FBLN1: variants seen among roughly 807,000 people sequenced by gnomAD.
FBLN1 encodes fibulin-1.
In FBLN1, 34 loss-of-function variants were observed where a neutral mutation model predicts 89.7. The ratio of observed to expected loss-of-function variants is 0.38; its 90% CI spans 0.29 to 0.50. The LOEUF is 0.50. Ranked by LOEUF, FBLN1 falls within the 20% of genes least tolerant of loss-of-function variation. FBLN1 has a pLI of 0.92. For missense variants in FBLN1, 777 were observed against 988.1 expected, an observed-to-expected ratio of 0.79 and a Z score of 2.86; for synonymous variants, 393 against 391.3, an observed-to-expected ratio of 1.00 and a Z score of -0.05.
intron 16 of FBLN1, among the ~76,000 whole-genome samples, chr22:45,582,673 C>G (rs570023430): frequency 1.3e-5 from 2 of 152,176 alleles, no homozygotes. Context: ...AGGAGCTTCA[C>G]GGCTGGGAAT....
intron 16 of FBLN1, among the ~76,000 whole-genome samples, chr22:45,592,229 T>C (rs927048704): frequency 6.6e-6 from 1 of 152,222 alleles, no homozygotes; most frequent in African/African-American, 2.4e-5. Context: ...ATAGGGTCTC[T>C]CTGTCTCCAC....
intron 16 of FBLN1, among the ~76,000 whole-genome samples, chr22:45,594,505 C>T (rs1180303103): frequency 6.6e-6 from 1 of 152,164 alleles, no homozygotes; most frequent in Non-Finnish European, 1.5e-5. Flanking sequence ...TTTAAAGCTT[C>T]CTGTTTAAAG....
rs1285689258 is a variant in FBLN1, at chr22:45,600,770, A to G, written c.*324A>G. ...GAAAGACATTTTTTAGGGGGCAGCCAGTCCAAATGCCAAAAGAAGACCAGT... is the reference window on the plus strand; with the variant it reads ...GAAAGACATTTTTTAGGGGGCAGCCGGTCCAAATGCCAAAAGAAGACCAGT... On this transcript the variant is annotated 3_prime_UTR_variant, in exon 17 of 17. Coordinates refer to ENST00000327858, the MANE Select transcript of FBLN1 (RefSeq NM_006486.3). The G allele has an allele frequency of 5.0e-6, 2 of 401,978 alleles. No individual in the cohort carries two copies. Among genetic ancestry groups the G allele is most frequent in the Non-Finnish European group, 9.4e-6 (2 of 213,416 alleles). 24.9% of individuals were successfully genotyped at this position (401,978 alleles called of 1,614,324 possible). A position where few individuals can be genotyped will look rare whatever the true frequency, so the allele number is the denominator to read the frequency against.
chr22:45,575,679 A>G lies in FBLN1; in HGVS notation c.1840+1026A>G, dbSNP rs1216403064. 6.6e-6 allele frequency among the ~76,000 whole-genome samples: 1 copy of G among 152,134 alleles called. No individual in the cohort carries two copies. Among genetic ancestry groups the G allele is most frequent in the Non-Finnish European group, 1.5e-5 (1 of 68,016 alleles). On this transcript the variant is annotated intron_variant, in intron 15 of 16. Transcript: ENST00000327858. This position sits in a 1 kb window ranked among gnomAD's most constrained non-coding sequence, Gnocchi z 6.3. ...GCTCTCTAGGAAGCTCCTGGCATGC[A>G]GTGTAGTCATGTTGTGTAACCTGCC...
At chr22:45,600,166 C>A (rs557145676) in intron 16 of FBLN1, 141 bp from the exon 17 acceptor site, 2 of 965,646 alleles carry the variant, frequency 2.1e-6, no homozygotes, top group South Asian at 1.4e-5. Context: ...TCAGGGGACT[C>A]GAGCATCTGG....
chr22:45,514,778 G>T (rs1006902939), intron 1 of FBLN1, among the ~76,000 whole-genome samples: 6 of 152,190 alleles, frequency 3.9e-5, no homozygotes, highest in African/African-American at 1.4e-4. Flanking sequence ...AGAGGAGGAA[G>T]ACACCATCCC....
intron 16 of FBLN1, among the ~76,000 whole-genome samples, chr22:45,598,029 G>A (rs1267149385): frequency 1.3e-5 from 2 of 152,186 alleles, no homozygotes; most frequent in Non-Finnish European, 2.9e-5. Flanking sequence ...GGCACCAAGA[G>A]GTGGAGATAG....
At position 45,600,818 on chromosome 22, in the gene FBLN1, T is replaced by A. The variant is rs1920926235; in HGVS notation, c.*372T>A. 1 of 318,272 alleles carries A rather than the reference T, an allele frequency of 3.1e-6. No homozygotes were observed. The highest frequency in any genetic ancestry group is 6.0e-6 in the Non-Finnish European group (1 of 167,666). The allele number at this position is 318,272 out of a possible 1,614,324, so 19.7% of individuals were successfully genotyped here. A position where few individuals can be genotyped will look rare whatever the true frequency, so the allele number is the denominator to read the frequency against. On this transcript the variant is annotated 3_prime_UTR_variant, in exon 17 of 17. Transcript: ENST00000327858. ...AGTTCTTGCCCTGATTGTATGAAAT[T>A]TGACATTTTGGCACTTTTTTTTTTT...
intron 14 of FBLN1, chr22:45,564,831 C>T: frequency 1.2e-6 from 2 of 1,608,450 alleles, no homozygotes; most frequent in East Asian, 4.5e-5. Flanking sequence ...CCAGCCCTGG[C>T]TTATGTCACT....
intron 14 of FBLN1, among the ~76,000 whole-genome samples, chr22:45,560,438 C>G (rs1424378262): frequency 1.3e-4 from 20 of 152,198 alleles, no homozygotes; most frequent in Admixed American, 1.3e-3. Flanking sequence ...TCCACCATCC[C>G]AATCTCCCTA....
rs1202658729 is a variant in FBLN1 at position 45,578,491 on chromosome 22, C to G, written c.1972+1383C>G. ...GGTTTGGTTGTCGGCAGTTGTGAAACTTGCTGCTTGCCCTTGAGTCACTCC... is the reference window on the plus strand; with the variant it reads ...GGTTTGGTTGTCGGCAGTTGTGAAAGTTGCTGCTTGCCCTTGAGTCACTCC... On this transcript the variant is annotated intron_variant, in intron 16 of 16. Transcript: ENST00000327858. This position sits in a 1 kb window ranked among gnomAD's most constrained non-coding sequence, Gnocchi z 4.6. 3 of 152,148 alleles carry G rather than the reference C, an allele frequency of 2.0e-5. No homozygotes were observed. The highest frequency in any genetic ancestry group is 2.9e-5 in the Non-Finnish European group (2 of 68,034). 9.4% of individuals were successfully genotyped at this position (152,148 alleles called of 1,614,324 possible). A position where few individuals can be genotyped will look rare whatever the true frequency, so the allele number is the denominator to read the frequency against.
intron 16 of FBLN1, among the ~76,000 whole-genome samples, chr22:45,599,187 T>C (rs2146673767): frequency 6.6e-6 from 1 of 152,306 alleles, no homozygotes; most frequent in South Asian, 2.1e-4. Context: ...GCCACGGTCT[T>C]TGCCTGATCC....
intron 5 of FBLN1, 22 bp from the exon 6 acceptor site, chr22:45,533,041 C>T (rs751538435): frequency 1.2e-6 from 2 of 1,604,906 alleles, no homozygotes; most frequent in African/African-American, 2.7e-5. Context: ...CCATCCCTGG[C>T]TCATGCACGC....
intron 16 of FBLN1, among the ~76,000 whole-genome samples, chr22:45,592,884 C>T (rs1175392910): frequency 6.6e-6 from 1 of 152,176 alleles, no homozygotes; most frequent in Non-Finnish European, 1.5e-5. Context: ...ATGGTGGCCA[C>T]AGTTAATTTC....
chr22:45,587,390 C>G (rs5765511), intron 16 of FBLN1, among the ~76,000 whole-genome samples: 7,381 of 32,672 alleles, frequency 0.23, 194 homozygotes, highest in African/African-American at 0.29. Context: ...CGGCCAGAGA[C>G]ACGTCCTCAG....
At chr22:45,520,799 G>A (rs136723) in intron 2 of FBLN1, among the ~76,000 whole-genome samples, 69,095 of 151,886 alleles carry the variant, frequency 0.45, 16,453 homozygotes, top group East Asian at 0.76. Context: ...AATGTCTTTG[G>A]TAAATTTTGG....
intron 16 of FBLN1, among the ~76,000 whole-genome samples, chr22:45,598,218 C>T (rs768291007): frequency 9.8e-5 from 15 of 152,332 alleles, no homozygotes; most frequent in South Asian, 2.1e-4. Flanking sequence ...CAGCTCACAC[C>T]GTTCACACTG....
At position 45,537,971 on chromosome 22, in the gene FBLN1, C is replaced by T. The variant is rs1297465579; in HGVS notation, c.922+2634C>T. ...AACCCTGACTCATGGCAAAATCAGC[C>T]CCGATTTCCACAAAGAGGCAATGTT... On this transcript the variant is annotated intron_variant, in intron 8 of 16. Transcript: ENST00000327858. This position sits in a 1 kb window ranked among gnomAD's most constrained non-coding sequence, Gnocchi z 5.7. 6.6e-6 allele frequency among the ~76,000 whole-genome samples: 1 copy of T among 152,216 alleles called. No homozygotes were observed. The highest frequency in any genetic ancestry group is 1.5e-5 in the Non-Finnish European group (1 of 68,038).
At chr22:45,544,658 G>A (rs571821386) in intron 11 of FBLN1, among the ~76,000 whole-genome samples, 11 of 152,342 alleles carry the variant, frequency 7.2e-5, no homozygotes, top group African/African-American at 2.6e-4. Context: ...ATCTTTCTCA[G>A]ACAGGCATGT....
Sources: gnomAD v4.1 joint callset for allele counts (sites outside exome capture counted in the v4.1 genomes callset) on GRCh38, gnomAD v4.1.1 for gene constraint, Gnocchi (gnomAD v3.1) non-coding constraint, MANE v1.5 for transcripts, NCBI Gene and HGNC (gene_info 2026-07-23, HGNC 2026-07-21) for gene names.